The following THSD4 variants were observed in gnomAD, a reference collection of about 807,000 sequenced individuals.
THSD4 encodes thrombospondin type 1 domain containing 4, also known as thrombospondin type-1 domain-containing protein 4.
THSD4 carries 69 observed loss-of-function variants against 119.0 expected under a neutral mutation model. The observed-to-expected ratio is 0.58, with a 90% CI of 0.48 to 0.71. The LOEUF is 0.71. Ranked by LOEUF, THSD4 falls within the 30% of genes least tolerant of loss-of-function variation. The pLI is 0.00. For missense variants in THSD4, 1,393 were observed against 1,391.1 expected, an observed-to-expected ratio of 1.00 and a Z score of -0.02; for synonymous variants, 524 against 540.4, an observed-to-expected ratio of 0.97 and a Z score of 0.42.
At chr15:71,774,710 G>A (rs940468774) in intron 17 of THSD4, among the ~76,000 whole-genome samples, 4 of 151,418 alleles carry the variant, frequency 2.6e-5, no homozygotes, top group Non-Finnish European at 4.4e-5. Flanking sequence ...CCAGGAACCC[G>A]AACTGTGGCT....
chr15:71,349,256 A>G (rs1408533016), intron 6 of THSD4, among the ~76,000 whole-genome samples: 3 of 152,254 alleles, frequency 2.0e-5, no homozygotes, highest in African/African-American at 7.2e-5. Flanking sequence ...CAAAATGTAA[A>G]TTGGATACAG....
rs2052978596 is a variant in THSD4, at chr15:71,731,447, T to G, written c.1630+230T>G. On this transcript the variant is annotated intron_variant, in intron 10 of 17. Transcript: ENST00000261862. ...CGATTCCAAAATGGCATGAGCATCC[T>G]GGGTCTGCCCTGCCAGTTCAACATT... 1.3e-5 allele frequency: 7 copies of G among 531,414 alleles called. No homozygotes were observed. In the East Asian group the frequency reaches 2.3e-4, roughly 17 times the overall value. The allele number at this position is 531,414 out of a possible 1,614,324, so 32.9% of individuals were successfully genotyped here.
intron 7 of THSD4, among the ~76,000 whole-genome samples, chr15:71,562,688 A>T (rs969627056): frequency 8.0e-6 from 1 of 124,978 alleles, no homozygotes; most frequent in Non-Finnish European, 1.7e-5. Context: ...TAAGCCTACC[A>T]CCTTTGGTCC....
At chr15:71,695,130 G>C (rs2052136826) in intron 8 of THSD4, among the ~76,000 whole-genome samples, 1 of 152,144 alleles carries the variant, frequency 6.6e-6, no homozygotes, top group Admixed American at 6.5e-5. Flanking sequence ...GTCCCCAGAG[G>C]CCCTTCCACA....
chr15:71,517,201 A>T (rs572319226), intron 7 of THSD4, among the ~76,000 whole-genome samples: 1 of 152,344 alleles, frequency 6.6e-6, no homozygotes, highest in African/African-American at 2.4e-5. Flanking sequence ...GTAAGCAGCA[A>T]GACAAGTCAA....
intron 6 of THSD4, among the ~76,000 whole-genome samples, chr15:71,334,264 A>G (rs1239638839): frequency 1.3e-5 from 2 of 152,204 alleles, no homozygotes; most frequent in East Asian, 3.9e-4. Flanking sequence ...CATGAAACAT[A>G]AGGGTAATCT....
At chr15:71,617,076 T>A (rs571618792) in intron 7 of THSD4, among the ~76,000 whole-genome samples, 40 of 152,336 alleles carry the variant, frequency 2.6e-4, no homozygotes, top group Middle Eastern at 3.4e-3. Context: ...AATTAGAGAA[T>A]TGATTCATAT....
At chr15:71,475,862 G>A (rs1032199984) in intron 7 of THSD4, among the ~76,000 whole-genome samples, 3 of 152,158 alleles carry the variant, frequency 2.0e-5, no homozygotes, top group African/African-American at 7.2e-5. Context: ...AGAAGTTCAA[G>A]GTTTTAGTAA....
intron 7 of THSD4, chr15:71,549,866 T>TTTCA: frequency 6.6e-6 from 1 of 152,572 alleles, no homozygotes; most frequent in Admixed American, 6.5e-5. Flanking sequence ...AAGCAGGACC[T>TTTCA]GGCAGGTGGG....
intron 8 of THSD4, among the ~76,000 whole-genome samples, chr15:71,681,601 G>C (rs186951656): frequency 9.4e-4 from 143 of 152,006 alleles, no homozygotes; most frequent in African/African-American, 2.5e-3. Flanking sequence ...ATTGAACCGG[G>C]GGGGTGGAGG....
intron 7 of THSD4, among the ~76,000 whole-genome samples, chr15:71,561,619 T>A (rs1298110673): frequency 6.6e-6 from 1 of 151,940 alleles, no homozygotes; most frequent in Non-Finnish European, 1.5e-5. Flanking sequence ...GAATCCGGAG[T>A]GTAGCTCCAA....
intron 3 of THSD4, among the ~76,000 whole-genome samples, chr15:71,192,214 C>A (rs925869317): frequency 1.1e-4 from 17 of 151,812 alleles, no homozygotes; most frequent in Admixed American, 2.6e-4. Flanking sequence ...CTTGACCTTT[C>A]CAAACTGTCC....
chr15:71,773,579 A>G (rs2053862737), intron 17 of THSD4, among the ~76,000 whole-genome samples: 1 of 152,266 alleles, frequency 6.6e-6, no homozygotes, highest in African/African-American at 2.4e-5. Flanking sequence ...CAGAATATGT[A>G]GACAAAGCCT....
intron 3 of THSD4, among the ~76,000 whole-genome samples, chr15:71,177,767 A>T (rs2043460384): frequency 7.2e-6 from 1 of 138,928 alleles, no homozygotes; most frequent in Non-Finnish European, 1.6e-5. Context: ...CGAATCCAGC[A>T]GCACATCAAA....
At chr15:71,455,062 T>C (rs2047319004) in intron 7 of THSD4, among the ~76,000 whole-genome samples, 1 of 152,188 alleles carries the variant, frequency 6.6e-6, no homozygotes, top group South Asian at 2.1e-4. Flanking sequence ...GCTGATCACG[T>C]GGGGCTGGAT....
At chr15:71,375,154 C>T (rs138171250) in intron 6 of THSD4, among the ~76,000 whole-genome samples, 106 of 152,240 alleles carry the variant, frequency 7.0e-4, no homozygotes, top group African/African-American at 2.5e-3. Flanking sequence ...TGCCAGGGAC[C>T]GAGCACCACG....
At chr15:71,727,612 A>G (rs2052885045) in intron 8 of THSD4, among the ~76,000 whole-genome samples, 1 of 140,830 alleles carries the variant, frequency 7.1e-6, no homozygotes, top group African/African-American at 2.7e-5. Context: ...ACACACACAC[A>G]CACACACACA....
intron 3 of THSD4, among the ~76,000 whole-genome samples, chr15:71,212,295 A>G (rs2043893727): frequency 1.3e-5 from 2 of 152,232 alleles, no homozygotes; most frequent in Non-Finnish European, 2.9e-5. Flanking sequence ...TGGAATTTCA[A>G]GTCACTCACC....
intron 8 of THSD4, among the ~76,000 whole-genome samples, chr15:71,666,309 T>C (rs1219479991): frequency 2.6e-5 from 4 of 152,190 alleles, no homozygotes; most frequent in Non-Finnish European, 2.9e-5. Context: ...TAAATGAGCA[T>C]CCCTAGGATT....
Sources: allele counts gnomAD v4.1 joint callset (sites outside exome capture counted in the v4.1 genomes callset), GRCh38; gene constraint gnomAD v4.1.1; transcripts MANE v1.5; gene names NCBI Gene and HGNC (gene_info 2026-07-23, HGNC 2026-07-21).